Variants in USP12 observed in about 807,000 individuals in gnomAD.
The protein encoded by USP12 is ubiquitin carboxyl-terminal hydrolase 12.
USP12 carries 19 observed loss-of-function variants against 45.5 expected under a neutral mutation model. The observed-to-expected ratio is 0.42, with a 90% CI of 0.29 to 0.61. The LOEUF (loss-of-function observed/expected upper bound fraction) is 0.61. Among genes scored for constraint, USP12 ranks in the 20% least tolerant of loss-of-function variants. The pLI, the probability that USP12 is intolerant of heterozygous loss-of-function variation, is 0.22. For missense variants in USP12, 242 were observed against 447.7 expected (o/e 0.54, Z 4.15); for synonymous variants, 149 against 148.8 (o/e 1.00, Z -0.01).
intron 1 of USP12, among the ~76,000 whole-genome samples, chr13:27,143,900 T>C (rs1428105574): frequency 6.6e-6 from 1 of 152,232 alleles, no homozygotes; most frequent in Non-Finnish European, 1.5e-5. Flanking sequence ...ATCAGTCTTA[T>C]CTGTTCAAAA....
At position 27,071,057 on chromosome 13, in the gene USP12, A is replaced by G; in HGVS notation, c.1011+14T>C. On this transcript the variant is annotated intron_variant, in intron 8 of 8. Transcript: ENST00000282344. The stretch of plus-strand genomic sequence containing the variant: ...ATACAACTTTCAAAAATAAGAAATT[A>G]AGAAACTACTTACTTCTACAATGTC... 1 of 1,590,188 alleles carries G rather than the reference A, an allele frequency of 6.3e-7. No individual in the cohort carries two copies. Among genetic ancestry groups the G allele is most frequent in the Non-Finnish European group, 8.5e-7 (1 of 1,172,746 alleles).
chr13:27,120,608 G>C (rs566511265), intron 1 of USP12, among the ~76,000 whole-genome samples: 3 of 116,976 alleles, frequency 2.6e-5, no homozygotes, highest in Non-Finnish European at 5.3e-5. Flanking sequence ...GGCAACAAGA[G>C]CAAAACTCCA....
At chr13:27,114,519 G>A (rs775934182) in intron 2 of USP12, among the ~76,000 whole-genome samples, 3 of 152,130 alleles carry the variant, frequency 2.0e-5, no homozygotes, top group African/African-American at 4.8e-5. Context: ...AATAATATCA[G>A]GAATAGCATT....
rs1873131568 is a variant in USP12 at position 27,069,336 on chromosome 13, T to C, written c.1060A>G (p.Ile354Val). ...IEEFYGLTSDISKNSESGYIL... is the reference protein window; with the variant it reads ...IEEFYGLTSDVSKNSESGYIL... Reference sequence around the variant, plus strand: ...TAACCAGACTCAGAGTTCTTTGAGATATCTGATGTCAACCCGTAGAATTCT... The same window carrying C: ...TAACCAGACTCAGAGTTCTTTGAGACATCTGATGTCAACCCGTAGAATTCT... Residue 354 changes from isoleucine to valine, a missense_variant, in exon 9 of 9, where the codon ATC becomes GTC. Ile to Val is a conservative substitution (Grantham distance 29). Coordinates refer to ENST00000282344, the MANE Select transcript of USP12 (RefSeq NM_182488.4). 4 of 1,612,792 alleles carry C rather than the reference T, an allele frequency of 2.5e-6. No homozygotes were observed. Among genetic ancestry groups the C allele is most frequent in the Non-Finnish European group, 3.4e-6 (4 of 1,179,860 alleles).
At chr13:27,151,928 G>T (rs1193711828) in intron 1 of USP12, among the ~76,000 whole-genome samples, 1 of 152,174 alleles carries the variant, frequency 6.6e-6, no homozygotes, top group Non-Finnish European at 1.5e-5. Flanking sequence ...TCAGAGAAAT[G>T]CAAATCAAAA....
intron 6 of USP12, among the ~76,000 whole-genome samples, chr13:27,085,615 T>C (rs982721750): frequency 9.2e-5 from 14 of 152,086 alleles, no homozygotes; most frequent in African/African-American, 3.4e-4. Context: ...AAATATTAAA[T>C]GAATTGCTCA....
At chr13:27,138,988 A>G (rs1876933684) in intron 1 of USP12, among the ~76,000 whole-genome samples, 1 of 152,202 alleles carries the variant, frequency 6.6e-6, no homozygotes, top group Admixed American at 6.5e-5. Context: ...ATGATCATTC[A>G]GCCTTACAAT....
chr13:27,092,838 T>C (rs912178027), intron 4 of USP12, among the ~76,000 whole-genome samples: 9 of 152,304 alleles, frequency 5.9e-5, no homozygotes, highest in African/African-American at 2.2e-4. Context: ...ACCAAAAGTA[T>C]AATGCATGAA....
intron 1 of USP12, among the ~76,000 whole-genome samples, chr13:27,131,777 A>C (rs1295876226): frequency 6.6e-6 from 1 of 152,246 alleles, no homozygotes; most frequent in African/African-American, 2.4e-5. Flanking sequence ...AGTATTATTC[A>C]CCACTCCCTC....
At chr13:27,102,939 C>G (rs534542) in intron 3 of USP12, among the ~76,000 whole-genome samples, 148,829 of 152,366 alleles carry the variant, frequency 0.98, 72,772 homozygotes, top group East Asian at 1. Context: ...CATGGAGCCA[C>G]TGTTGCTGTA....
Position 27,069,274 on chromosome 13 carries a change from G to A in USP12, c.*9C>T, listed in dbSNP as rs1390166711. Reference sequence around the variant, plus strand: ...GAGGCAGAAAGTGTCTCTTCATCACGGTTCCCTCTCAGTCCCGAGACTGAT... The same window carrying A: ...GAGGCAGAAAGTGTCTCTTCATCACAGTTCCCTCTCAGTCCCGAGACTGAT... On this transcript the variant is annotated 3_prime_UTR_variant, in exon 9 of 9. Transcript: ENST00000282344. 10 of 1,599,626 alleles carry A rather than the reference G, an allele frequency of 6.3e-6. No individual in the cohort carries two copies. Among genetic ancestry groups the A allele is most frequent in the Admixed American group, 1.7e-5 (1 of 59,960 alleles).
At chr13:27,077,364 T>C (rs773828418) in intron 6 of USP12, 7 of 152,116 alleles carry the variant, frequency 4.6e-5, no homozygotes, top group Admixed American at 6.6e-5. Flanking sequence ...TATTAATAAA[T>C]GGCAGTCAGG....
chr13:27,099,327 G>A (rs1032832361), intron 3 of USP12, among the ~76,000 whole-genome samples: 3 of 151,788 alleles, frequency 2.0e-5, no homozygotes, highest in South Asian at 2.1e-4. Flanking sequence ...CCACTTCCTC[G>A]CTCCCTGTCA....
rs75597260 is a variant in USP12, at chr13:27,084,851, G to T, written c.734+5032C>A. On this transcript the variant is annotated intron_variant, in intron 6 of 8. Coordinates refer to ENST00000282344, the MANE Select transcript of USP12 (RefSeq NM_182488.4). ...CTCCAGCTTTGTTCTTTTCTCTCAA[G>T]ATTATTCAACTATTTAGGGTCTTCT... 6.0e-3 allele frequency among the ~76,000 whole-genome samples: 920 copies of T among 152,210 alleles called. 12 individuals are homozygous for T. Among genetic ancestry groups the T allele is most frequent in the African/African-American group, 0.021 (867 of 41,532 alleles).
chr13:27,151,187 T>C (rs1406860222), intron 1 of USP12, among the ~76,000 whole-genome samples: 4 of 151,566 alleles, frequency 2.6e-5, no homozygotes, highest in Non-Finnish European at 5.9e-5. Flanking sequence ...AAAAATTAGC[T>C]GGGCATGGTA....
chr13:27,147,749 C>T (rs947547632), intron 1 of USP12, among the ~76,000 whole-genome samples: 40 of 151,686 alleles, frequency 2.6e-4, no homozygotes, highest in African/African-American at 9.5e-4. Context: ...ATATTCAAAG[C>T]GCTCAAAGAA....
intron 2 of USP12, among the ~76,000 whole-genome samples, chr13:27,113,313 T>C (rs1289965286): frequency 6.6e-6 from 1 of 152,048 alleles, no homozygotes; most frequent in Non-Finnish European, 1.5e-5. Flanking sequence ...AAATAAAAAA[T>C]AAAAATGTTG....
At position 27,066,430 on chromosome 13, in the gene USP12, A is replaced by G. The variant is rs1872995031; in HGVS notation, c.*2853T>C. On this transcript the variant is annotated 3_prime_UTR_variant, in exon 9 of 9. Coordinates refer to ENST00000282344, the MANE Select transcript of USP12 (RefSeq NM_182488.4). ...TACCTCATGATAGAATCTTTAATAA[A>G]AAGTGTTTTTAAAGAAAGTATCAAG... 1 of 152,172 alleles carries G rather than the reference A, an allele frequency of 6.6e-6. No individual in the cohort carries two copies. Among genetic ancestry groups the G allele is most frequent in the Admixed American group, 6.6e-5 (1 of 15,264 alleles). The allele number at this position is 152,172 out of a possible 1,614,324, so 9.4% of individuals were successfully genotyped here.
At chr13:27,157,097 G>A (rs1272851933) in intron 1 of USP12, among the ~76,000 whole-genome samples, 1 of 152,148 alleles carries the variant, frequency 6.6e-6, no homozygotes, top group African/African-American at 2.4e-5. Context: ...TAATAACAAA[G>A]TAATCTGAAA....
Sources: gnomAD v4.1 joint callset for allele counts (sites outside exome capture counted in the v4.1 genomes callset) on GRCh38, gnomAD v4.1.1 for gene constraint, MANE v1.5 for transcripts, NCBI Gene and HGNC (gene_info 2026-07-23, HGNC 2026-07-21) for gene names.